FZD6: variants seen among roughly 807,000 people sequenced by gnomAD.
FZD6 encodes the protein frizzled class receptor 6, also known as frizzled-6.
In FZD6, 49 loss-of-function variants were observed where a neutral mutation model predicts 61.4. The observed-to-expected ratio is 0.80, with a 90% CI of 0.63 to 1.01. FZD6 has a LOEUF of 1.01. Ranked by LOEUF, FZD6 falls within the 50% of genes least tolerant of loss-of-function variation. The pLI is 0.00. For missense variants in FZD6, 724 were observed against 848.2 expected, an observed-to-expected ratio of 0.85 and a Z score of 1.82; for synonymous variants, 265 against 292.2, an observed-to-expected ratio of 0.91 and a Z score of 0.95.
chr8:103,326,604 A>G lies in FZD6; in HGVS notation c.1392+1106A>G, dbSNP rs190478197. On this transcript the variant is annotated intron_variant, in intron 4 of 6. Transcript: ENST00000358755. The stretch of plus-strand genomic sequence containing the variant: ...AGAAAATTATAATCTTCAAGTGGAG[A>G]AGGATATAATATTCCTGTAGTTGTA... 5.7e-4 allele frequency among the ~76,000 whole-genome samples: 87 copies of G among 151,922 alleles called. No individual in the cohort carries two copies. In the East Asian group the frequency reaches 0.016, roughly 28 times the overall value.
At chr8:103,322,638 A>G (rs192787113) in intron 3 of FZD6, among the ~76,000 whole-genome samples, 1 of 152,274 alleles carries the variant, frequency 6.6e-6, no homozygotes, top group East Asian at 1.9e-4. Flanking sequence ...AATTTATTCT[A>G]CTGATACAGT....
At chr8:103,329,013 T>TTTTTTTTATATATATATATA (rs143400765) in intron 5 of FZD6, among the ~76,000 whole-genome samples, 5 of 115,176 alleles carry the variant, frequency 4.3e-5, no homozygotes, top group African/African-American at 1.5e-4. Flanking sequence ...CATTTTAGTT[T>TTTTTTTTATATATATATATA]TATATATATA....
At position 103,325,021 on chromosome 8, in the gene FZD6, T is replaced by C. The variant is rs1332107158; in HGVS notation, c.915T>C (p.Ile305=). Residue 305 remains isoleucine, a synonymous_variant, in exon 4 of 7, where the codon ATT becomes ATC. Coordinates refer to ENST00000358755, the MANE Select transcript of FZD6 (RefSeq NM_003506.4). The part of the protein sequence containing the change: ...AGTVWWVILT[I]TWFLAAGRKW... ...CTGTGTGGTGGGTGATTCTTACCATTACTTGGTTCTTAGCTGCAGGAAGAA... is the reference window on the plus strand; with the variant it reads ...CTGTGTGGTGGGTGATTCTTACCATCACTTGGTTCTTAGCTGCAGGAAGAA... The C allele has an allele frequency of 3.1e-6, 5 of 1,614,006 alleles. No homozygotes were observed. The highest frequency in any genetic ancestry group is 4.2e-6 in the Non-Finnish European group (5 of 1,179,966).
chr8:103,315,842 C>T (rs1447789988), intron 2 of FZD6, among the ~76,000 whole-genome samples: 1 of 152,156 alleles, frequency 6.6e-6, no homozygotes, highest in Non-Finnish European at 1.5e-5. Flanking sequence ...CCTTGCCCAC[C>T]CTTTTCCACC....
In FZD6 at chr8:103,328,400, C is replaced by G. The variant is rs766284226; in HGVS notation, c.1525C>G (p.Arg509Gly). 6.2e-7 allele frequency: 1 copy of G among 1,611,912 alleles called. No homozygotes were observed. The highest frequency in any genetic ancestry group is 8.5e-7 in the Non-Finnish European group (1 of 1,178,346). Residue 509 changes from arginine (R) to glycine (G), a missense_variant, in exon 5 of 7, where the codon CGA becomes GGA. Arg to Gly is a moderately radical substitution (Grantham distance 125). Transcript: ENST00000358755. ...TCTEWAGFFK[R>G]NRKRDPISES... ...CACAGAATGGGCTGGGTTTTTTAAA[C>G]GAAATCGCAAGAGAGAGTAAGAAAC...
chr8:103,323,597 A>G (rs1328399665), intron 3 of FZD6, among the ~76,000 whole-genome samples: 1 of 151,858 alleles, frequency 6.6e-6, no homozygotes, highest in Non-Finnish European at 1.5e-5. Context: ...CGCCCAGCTA[A>G]TTTTTGTATT....
intron 1 of FZD6, 121 bp downstream of exon 1, chr8:103,299,116 G>T (rs1814066339): frequency 6.6e-6 from 1 of 152,296 alleles, no homozygotes; most frequent in Admixed American, 6.5e-5. Flanking sequence ...CAGGTGCTGG[G>T]GAGGCAACGG....
chr8:103,316,102 AG>A (rs1250804097), intron 2 of FZD6, among the ~76,000 whole-genome samples: 1 of 152,258 alleles, frequency 6.6e-6, no homozygotes, highest in East Asian at 1.9e-4. Flanking sequence ...TAATATTACT[AG>A]AAATATTAAA....
At chr8:103,328,001 G>A (rs1480531309) in intron 4 of FZD6, among the ~76,000 whole-genome samples, 3 of 152,080 alleles carry the variant, frequency 2.0e-5, no homozygotes, top group African/African-American at 4.8e-5. Flanking sequence ...AAAAAAATGC[G>A]AGGAAATCAT....
At chr8:103,300,852 A>G (rs774003391) in intron 2 of FZD6, among the ~76,000 whole-genome samples, 1 of 152,212 alleles carries the variant, frequency 6.6e-6, no homozygotes, top group Non-Finnish European at 1.5e-5. Flanking sequence ...AAAAGAAACC[A>G]CTTGGGAGGA....
rs182787183 is a variant in FZD6, at chr8:103,319,892, C to T, written c.374+1106C>T. Reference sequence around the variant, plus strand: ...GAAACAGAGTTCTTAGGGAAGCTGGCTATAAAAGAGGAAAGTTTATGAGTT... The same window carrying T: ...GAAACAGAGTTCTTAGGGAAGCTGGTTATAAAAGAGGAAAGTTTATGAGTT... On this transcript the variant is annotated intron_variant, in intron 3 of 6. Transcript: ENST00000358755. Among the ~76,000 whole-genome samples the T allele has an allele frequency of 4.0e-4, 61 of 152,124 alleles. 1 individual carries two copies. The East Asian group carries it at 8.7e-3, about 22-fold the overall frequency.
At position 103,328,367 on chromosome 8, in the gene FZD6, A is replaced by C. The variant is rs1468284989; in HGVS notation, c.1492A>C (p.Lys498Gln). ...ISAVFWVGSKKTCTEWAGFFK... is the reference protein window; with the variant it reads ...ISAVFWVGSKQTCTEWAGFFK... Reference sequence around the variant, plus strand: ...TGCTGTCTTCTGGGTTGGAAGCAAAAAGACATGCACAGAATGGGCTGGGTT... The same window carrying C: ...TGCTGTCTTCTGGGTTGGAAGCAAACAGACATGCACAGAATGGGCTGGGTT... Residue 498 changes from lysine (K) to glutamine (Q), a missense_variant, in exon 5 of 7, where the codon AAG becomes CAG. By Grantham distance (53) the Lys-to-Gln change is moderately conservative. Transcript: ENST00000358755. 5.6e-6 allele frequency: 9 copies of C among 1,612,978 alleles called. No homozygotes were observed. Among genetic ancestry groups the C allele is most frequent in the South Asian group, 1.1e-5 (1 of 91,054 alleles).
chr8:103,301,689 G>A (rs866538130), intron 2 of FZD6, among the ~76,000 whole-genome samples: 1 of 152,042 alleles, frequency 6.6e-6, no homozygotes, highest in East Asian at 1.9e-4. Flanking sequence ...TTACAGGCGC[G>A]AGCTACTGCA....
rs200403554 is a variant in FZD6 at position 103,331,533 on chromosome 8, G to A, written c.*24G>A. The A allele has an allele frequency of 4.4e-4, 676 of 1,545,210 alleles. No homozygotes were observed. The highest frequency in any genetic ancestry group is 8.4e-4 in the Middle Eastern group (5 of 5,940). Reference sequence around the variant, plus strand: ...GAAGAACATTTTCTCTCGTTACTCAGAAGCAAATTTGTGTTACACTGGAAG... The same window carrying A: ...GAAGAACATTTTCTCTCGTTACTCAAAAGCAAATTTGTGTTACACTGGAAG... On this transcript the variant is annotated 3_prime_UTR_variant, in exon 7 of 7. Transcript: ENST00000358755.
intron 3 of FZD6, among the ~76,000 whole-genome samples, chr8:103,322,847 C>A (rs1209549637): frequency 2.0e-5 from 3 of 152,134 alleles, no homozygotes; most frequent in African/African-American, 4.8e-5. Flanking sequence ...CATAGAAACT[C>A]TTACACAGAG....
Position 103,328,135 on chromosome 8 carries a change from A to G in FZD6, c.1393-133A>G, listed in dbSNP as rs1282348091. The G allele has an allele frequency of 1.6e-5, 11 of 683,200 alleles. No individual in the cohort carries two copies. The African/African-American group carries it at 2.0e-4, about 12-fold the overall frequency. The allele number at this position is 683,200 out of a possible 1,614,324, so 42.3% of individuals were successfully genotyped here. ...ATGTGTTGCACTTAGAGCATGCTTC[A>G]TTATATTATTTCAAACCTTTTTAGT... On this transcript the variant is annotated intron_variant, in intron 4 of 6. Transcript: ENST00000358755.
intron 2 of FZD6, among the ~76,000 whole-genome samples, chr8:103,300,642 AT>A (rs1175135939): frequency 6.6e-6 from 1 of 152,314 alleles, no homozygotes; most frequent in East Asian, 1.9e-4. Flanking sequence ...TGTAATATTT[AT>A]TGCCTGGACT....
At chr8:103,298,751 G>C (rs1197763076), upstream of FZD6, 5 of 148,182 alleles carry the variant, frequency 3.4e-5, no homozygotes, top group African/African-American at 5.0e-5. Context: ...CAGCGCAGGC[G>C]GTGCCCGGGC....
At position 103,331,421 on chromosome 8, in the gene FZD6, G is replaced by A. The variant is rs1465708211; in HGVS notation, c.2033G>A (p.Ser678Asn). 6.2e-7 allele frequency: 1 copy of A among 1,610,586 alleles called. No individual in the cohort carries two copies. Among genetic ancestry groups the A allele is most frequent in the East Asian group, 2.2e-5 (1 of 44,864 alleles). Residue 678 changes from serine to asparagine, a missense_variant, in exon 7 of 7, where the codon AGC (serine) becomes AAC (asparagine). Ser to Asn is a conservative substitution (Grantham distance 46). Coordinates refer to ENST00000358755, the MANE Select transcript of FZD6 (RefSeq NM_003506.4). ...NLQVPSSSEP[S>N]SLKGSTSLLV... ...CAGGTCCCCAGTTCTTCAGAACCAA[G>A]CAGCCTCAAAGGTTCCACATCTCTG...
Sources: gnomAD v4.1 joint callset for allele counts (sites outside exome capture counted in the v4.1 genomes callset) on GRCh38, gnomAD v4.1.1 for gene constraint, MANE v1.5 for transcripts, NCBI Gene and HGNC (gene_info 2026-07-23, HGNC 2026-07-21) for gene names.